Variants in FBN2 observed in about 807,000 individuals in gnomAD.
The protein encoded by FBN2 is fibrillin-2.
In FBN2, 105 loss-of-function variants were observed where a neutral mutation model predicts 355.6. That is an observed-to-expected ratio of 0.30 (90% CI 0.25 to 0.35). The LOEUF (loss-of-function observed/expected upper bound fraction) is 0.35. Among genes scored for constraint, FBN2 ranks in the 10% least tolerant of loss-of-function variants. The probability of loss-of-function intolerance (pLI) is 1.00; values close to 1 mark genes in which losing one functional copy is unlikely to be tolerated. For missense variants in FBN2, 3,280 were observed against 3,758.7 expected (o/e 0.87, Z 3.33); for synonymous variants, 1,350 against 1,301.2 (o/e 1.04, Z -0.81).
chr5:128,411,425 G>A (rs965599304), intron 7 of FBN2, among the ~76,000 whole-genome samples: 4 of 152,192 alleles, frequency 2.6e-5, no homozygotes, highest in Admixed American at 6.5e-5. Context: ...GCTTTCAGTG[G>A]GATGGGGAGG....
chr5:128,329,889 T>C (rs144731174), intron 33 of FBN2, among the ~76,000 whole-genome samples: 4 of 152,344 alleles, frequency 2.6e-5, no homozygotes, highest in African/African-American at 7.2e-5. Flanking sequence ...TCTAGTCTTA[T>C]ACATGCATAT....
At chr5:128,526,005 C>G (rs866854642) in intron 4 of FBN2, among the ~76,000 whole-genome samples, 2 of 152,088 alleles carry the variant, frequency 1.3e-5, no homozygotes, top group Admixed American at 1.3e-4. Flanking sequence ...TATATACTCT[C>G]TGGCCTTTAC....
intron 62 of FBN2, among the ~76,000 whole-genome samples, chr5:128,265,622 TGTTA>T (rs1285791701): frequency 6.6e-6 from 1 of 152,214 alleles, no homozygotes; most frequent in Non-Finnish European, 1.5e-5. Flanking sequence ...CATATGCAAA[TGTTA>T]GTATTTACAT....
At chr5:128,330,749 G>A in intron 32 of FBN2, 54 bp from the exon 33 acceptor site, 2 of 1,594,896 alleles carry the variant, frequency 1.3e-6, no homozygotes, top group Non-Finnish European at 8.6e-7. Context: ...TTAAGCACCT[G>A]GAAAGATTAT....
chr5:128,294,153 C>T (rs1470377120), intron 48 of FBN2, among the ~76,000 whole-genome samples: 1 of 152,126 alleles, frequency 6.6e-6, no homozygotes, highest in Non-Finnish European at 1.5e-5. Flanking sequence ...CATGTCCTTA[C>T]AAAGGACATG....
At chr5:128,480,029 T>TAC (rs762120121) in intron 5 of FBN2, among the ~76,000 whole-genome samples, 10,233 of 103,758 alleles carry the variant, frequency 0.099, 780 homozygotes, top group Non-Finnish European at 0.14. Flanking sequence ...TATATGTATA[T>TAC]ACACACACAC....
At chr5:128,359,347 G>A (rs1445139245) in intron 19 of FBN2, among the ~76,000 whole-genome samples, 3 of 152,030 alleles carry the variant, frequency 2.0e-5, no homozygotes, top group Non-Finnish European at 2.9e-5. Context: ...AGAAGAGAAT[G>A]AAGAGAACTG....
intron 27 of FBN2, among the ~76,000 whole-genome samples, chr5:128,337,544 A>T (rs2126901105): frequency 6.6e-6 from 1 of 152,334 alleles, no homozygotes; most frequent in Non-Finnish European, 1.5e-5. Flanking sequence ...AGGGCAAATG[A>T]GGAAACCCAG....
At chr5:128,361,088 T>G (rs1279808744) in intron 19 of FBN2, among the ~76,000 whole-genome samples, 1 of 152,196 alleles carries the variant, frequency 6.6e-6, no homozygotes, top group Non-Finnish European at 1.5e-5. Flanking sequence ...AAATGAGGAC[T>G]TCTCTAACCA....
intron 16 of FBN2, among the ~76,000 whole-genome samples, chr5:128,368,653 T>C (rs1751849063): frequency 6.6e-6 from 1 of 151,710 alleles, no homozygotes; most frequent in Non-Finnish European, 1.5e-5. Flanking sequence ...TAATCATAAC[T>C]GTATAAGAAA....
At chr5:128,478,945 A>T (rs1755080668) in intron 5 of FBN2, among the ~76,000 whole-genome samples, 1 of 152,230 alleles carries the variant, frequency 6.6e-6, no homozygotes, top group Non-Finnish European at 1.5e-5. Flanking sequence ...CAAGTGTGGG[A>T]TGCAACACAC....
At chr5:128,377,444 A>C (rs1752106638) in intron 13 of FBN2, among the ~76,000 whole-genome samples, 1 of 152,154 alleles carries the variant, frequency 6.6e-6, no homozygotes, top group African/African-American at 2.4e-5. Flanking sequence ...GTAATTGTTT[A>C]AACTTATGAA....
chr5:128,414,742 C>T (rs1753152398), intron 7 of FBN2, among the ~76,000 whole-genome samples: 1 of 152,024 alleles, frequency 6.6e-6, no homozygotes, highest in South Asian at 2.1e-4. Flanking sequence ...AATTTACATC[C>T]CCACTAGCAA....
chr5:128,377,824 T>C lies in FBN2; in HGVS notation c.1777A>G (p.Asn593Asp), dbSNP rs1752121137. 6.2e-7 allele frequency: 1 copy of C among 1,613,618 alleles called. No homozygotes were observed. Among genetic ancestry groups the C allele is most frequent in the African/African-American group, 1.3e-5 (1 of 75,020 alleles). ...ATGCACTGGAAACTTCCATCTGTGT[T>C]CACGCATCGACCGTTTTTACAAAGA... ...GVLCKNGRCV[N>D]TDGSFQCICN... The change falls in exon 13 of 65, where the codon AAC (asparagine) becomes GAC (aspartate). Residue 593 changes from asparagine (N) to aspartate (D), a missense_variant. Coordinates refer to ENST00000262464, the MANE Select transcript of FBN2 (RefSeq NM_001999.4).
chr5:128,425,718 A>G (rs1295299061), intron 7 of FBN2, among the ~76,000 whole-genome samples: 3 of 152,200 alleles, frequency 2.0e-5, no homozygotes, highest in Non-Finnish European at 4.4e-5. Context: ...CTATAGAATT[A>G]TCATATAAAT....
Position 128,304,150 on chromosome 5 carries a change from A to T in FBN2, c.5800+807T>A, listed in dbSNP as rs142480028. Among the ~76,000 whole-genome samples, 182 of 152,368 alleles carry T rather than the reference A, an allele frequency of 1.2e-3. 1 individual carries two copies. Among genetic ancestry groups the T allele is most frequent in the African/African-American group, 3.7e-3 (155 of 41,596 alleles). On this transcript the variant is annotated intron_variant, in intron 45 of 64. Transcript: ENST00000262464. ...TCTTGAATATCAAGAGTAGCTGAAC[A>T]GCCCTAGCCTTTTCTACACTGAGAA...
chr5:128,405,661 A>T (rs1202926441), intron 8 of FBN2, among the ~76,000 whole-genome samples: 1 of 152,180 alleles, frequency 6.6e-6, no homozygotes, highest in East Asian at 1.9e-4. Flanking sequence ...AAAAGAAGTA[A>T]TTTAGAAATG....
At chr5:128,440,301 C>A (rs1753883368) in intron 7 of FBN2, among the ~76,000 whole-genome samples, 2 of 152,202 alleles carry the variant, frequency 1.3e-5, no homozygotes, top group South Asian at 4.2e-4. Context: ...TAAAGAGCTA[C>A]CTGAGACTGG....
At chr5:128,371,810 G>A (rs1249786005) in intron 15 of FBN2, among the ~76,000 whole-genome samples, 1 of 152,100 alleles carries the variant, frequency 6.6e-6, no homozygotes, top group Non-Finnish European at 1.5e-5. Flanking sequence ...TGGGATTACA[G>A]GTGTGAGCCA....
Sources: allele counts gnomAD v4.1 joint callset (sites outside exome capture counted in the v4.1 genomes callset), GRCh38; gene constraint gnomAD v4.1.1; transcripts MANE v1.5; gene names NCBI Gene and HGNC (gene_info 2026-07-23, HGNC 2026-07-21).